Variants in SMYD3 observed in about 807,000 individuals in gnomAD.
SMYD3 encodes the protein histone-lysine N-methyltransferase SMYD3.
Under a neutral mutation model 57.7 loss-of-function variants are expected in SMYD3, and 36 were observed. The observed-to-expected ratio is 0.62, with a 90% confidence interval of 0.48 to 0.82. The LOEUF (loss-of-function observed/expected upper bound fraction) is 0.82. Among genes scored for constraint, SMYD3 ranks in the 40% least tolerant of loss-of-function variants. The pLI is 0.00. For missense variants in SMYD3, 515 were observed against 538.8 expected (o/e 0.96, Z 0.44); for synonymous variants, 211 against 195.0 (o/e 1.08, Z -0.68).
chr1:246,448,704 T>TAAA (rs1553349829), intron 1 of SMYD3, among the ~76,000 whole-genome samples: 8,528 of 81,494 alleles, frequency 0.1, 755 homozygotes, highest in East Asian at 0.15. Context: ...CTCTTTTTTT[T>TAAA]AAAAAAAAAA....
intron 5 of SMYD3, among the ~76,000 whole-genome samples, chr1:246,133,971 A>G (rs1398232661): frequency 6.6e-6 from 1 of 152,144 alleles, no homozygotes; most frequent in East Asian, 1.9e-4. Context: ...TATTCTTGTT[A>G]TGGTCAACTA....
intron 5 of SMYD3, among the ~76,000 whole-genome samples, chr1:246,067,733 C>G (rs757971134): frequency 6.6e-6 from 1 of 152,140 alleles, no homozygotes; most frequent in Non-Finnish European, 1.5e-5. Context: ...AACTGCACAG[C>G]GACGATTTAC....
intron 5 of SMYD3, among the ~76,000 whole-genome samples, chr1:246,148,054 C>T (rs35290608): frequency 0.034 from 4,920 of 145,378 alleles, 125 homozygotes; most frequent in Non-Finnish European, 0.045. Flanking sequence ...GGGTGGAAGG[C>T]GGCAGTCCCC....
intron 1 of SMYD3, among the ~76,000 whole-genome samples, chr1:246,463,749 T>C (rs549094516): frequency 1.6e-5 from 2 of 126,496 alleles, no homozygotes; most frequent in East Asian, 4.7e-4. Context: ...GGCAGGAGAA[T>C]GGCGTGAACC....
At chr1:246,212,016 A>G (rs2063097245) in intron 5 of SMYD3, among the ~76,000 whole-genome samples, 2 of 152,100 alleles carry the variant, frequency 1.3e-5, no homozygotes, top group South Asian at 2.1e-4. Flanking sequence ...AAGGTGGATT[A>G]TATCTACAAC....
At chr1:245,790,481 G>A (rs117213896) in intron 10 of SMYD3, among the ~76,000 whole-genome samples, 5 of 152,328 alleles carry the variant, frequency 3.3e-5, no homozygotes, top group East Asian at 1.9e-4. Context: ...AAAGCTTTTC[G>A]AGGGCAGCAT....
chr1:245,814,625 T>C (rs1260696665), intron 10 of SMYD3, among the ~76,000 whole-genome samples: 1 of 152,152 alleles, frequency 6.6e-6, no homozygotes, highest in Non-Finnish European at 1.5e-5. Context: ...GTGACTGGCA[T>C]TGCGGAGAAG....
At chr1:246,334,917 C>T (rs1029381928) in intron 3 of SMYD3, among the ~76,000 whole-genome samples, 1 of 152,086 alleles carries the variant, frequency 6.6e-6, no homozygotes, top group East Asian at 1.9e-4. Flanking sequence ...TCATATGTTA[C>T]AGTGAAATCA....
rs555550234 is a variant in SMYD3 at position 245,762,500 on chromosome 1, T to C, written c.1185+1541A>G. On this transcript the variant is annotated intron_variant, in intron 11 of 11. Transcript: ENST00000490107. Reference sequence around the variant, plus strand: ...GCTGTACCTTGCTGATTCGACTGGCTGACAAGTACCCCCAGACCAGAAAAG... The same window carrying C: ...GCTGTACCTTGCTGATTCGACTGGCCGACAAGTACCCCCAGACCAGAAAAG... Among the ~76,000 whole-genome samples the C allele has an allele frequency of 5.3e-5, 8 of 152,270 alleles. No individual in the cohort carries two copies. In the South Asian group the frequency reaches 1.7e-3, roughly 32 times the overall value.
chr1:246,421,355 C>T (rs1192057376), intron 1 of SMYD3, among the ~76,000 whole-genome samples: 1 of 151,130 alleles, frequency 6.6e-6, no homozygotes, highest in Non-Finnish European at 1.5e-5. Context: ...GTAAAAGTTA[C>T]CAAAAGAATT....
At chr1:246,349,595 G>A (rs1417001436) in intron 2 of SMYD3, among the ~76,000 whole-genome samples, 3 of 151,092 alleles carry the variant, frequency 2.0e-5, no homozygotes, top group African/African-American at 7.3e-5. Flanking sequence ...GTGACAGAGA[G>A]AGATCCCATT....
intron 10 of SMYD3, among the ~76,000 whole-genome samples, chr1:245,773,139 C>T (rs2046407116): frequency 6.7e-6 from 1 of 148,668 alleles, no homozygotes; most frequent in African/African-American, 2.5e-5. Flanking sequence ...GGTCATTTTC[C>T]ACAGCCAAAA....
At chr1:245,763,899 T>C in intron 11 of SMYD3, 142 bp downstream of exon 11, 1 of 592,684 alleles carries the variant, frequency 1.7e-6, no homozygotes, top group Non-Finnish European at 3.0e-6. Context: ...AGAGTGGTTG[T>C]TAAACATTTA....
intron 5 of SMYD3, among the ~76,000 whole-genome samples, chr1:246,304,308 G>T (rs2064943865): frequency 6.6e-6 from 1 of 152,106 alleles, no homozygotes; most frequent in African/African-American, 2.4e-5. Context: ...AAAATATAAT[G>T]AACTTGAAGT....
At chr1:246,171,751 C>T (rs558995461) in intron 5 of SMYD3, among the ~76,000 whole-genome samples, 1 of 152,316 alleles carries the variant, frequency 6.6e-6, no homozygotes, top group East Asian at 1.9e-4. Flanking sequence ...TGGCTCATGC[C>T]TATGATTCCA....
chr1:245,786,171 A>G (rs771583153), intron 10 of SMYD3, among the ~76,000 whole-genome samples: 5 of 128,300 alleles, frequency 3.9e-5, no homozygotes, highest in Non-Finnish European at 6.2e-5. Context: ...GTTGAGAACA[A>G]AGCTTTGTAA....
chr1:246,260,488 A>G (rs12131333), intron 5 of SMYD3, among the ~76,000 whole-genome samples: 31,544 of 151,736 alleles, frequency 0.21, 3,984 homozygotes, highest in East Asian at 0.58. Context: ...GTCTTGTTCT[A>G]TCACCAGGCT....
chr1:246,183,413 A>G (rs1374518165), intron 5 of SMYD3, among the ~76,000 whole-genome samples: 3 of 151,830 alleles, frequency 2.0e-5, no homozygotes, highest in Admixed American at 6.6e-5. Flanking sequence ...GAAGGTTGGC[A>G]TAAGAGATAA....
chr1:245,765,686 G>A (rs1373034723), intron 10 of SMYD3, among the ~76,000 whole-genome samples: 28 of 152,110 alleles, frequency 1.8e-4, no homozygotes, highest in Admixed American at 1.8e-3. Flanking sequence ...TGGCTGGGTA[G>A]GAGAAGGGAA....
Sources: gnomAD v4.1 joint callset for allele counts (sites outside exome capture counted in the v4.1 genomes callset) on GRCh38, gnomAD v4.1.1 for gene constraint, MANE v1.5 for transcripts, NCBI Gene and HGNC (gene_info 2026-07-23, HGNC 2026-07-21) for gene names.